Variants in PRKG1 observed in about 807,000 individuals in gnomAD.
PRKG1 encodes the protein cGMP-dependent protein kinase 1.
PRKG1 carries 35 observed loss-of-function variants against 88.1 expected under a neutral mutation model. That is an observed-to-expected ratio of 0.40 (90% CI 0.30 to 0.53). The LOEUF (loss-of-function observed/expected upper bound fraction) is 0.53. Ranked by LOEUF, PRKG1 falls within the 20% of genes least tolerant of loss-of-function variation. PRKG1 has a pLI of 0.59. For synonymous variants in PRKG1, 303 were observed against 292.5 expected, an observed-to-expected ratio of 1.04 and a Z score of -0.37; for missense variants, 540 against 839.8, an observed-to-expected ratio of 0.64 and a Z score of 4.41.
chr10:52,029,432 T>A (rs977009568), intron 5 of PRKG1, among the ~76,000 whole-genome samples: 2 of 152,180 alleles, frequency 1.3e-5, no homozygotes, highest in Non-Finnish European at 2.9e-5. Flanking sequence ...TAGAGAGGAA[T>A]GGAATAGCTT....
intron 3 of PRKG1, among the ~76,000 whole-genome samples, chr10:51,518,622 C>A (rs1841656992): frequency 6.6e-6 from 1 of 152,052 alleles, no homozygotes; most frequent in Non-Finnish European, 1.5e-5. Context: ...TTGCCACATT[C>A]CAGTGGGAGA....
chr10:52,069,859 A>G (rs1006001661), intron 7 of PRKG1, among the ~76,000 whole-genome samples: 2 of 151,864 alleles, frequency 1.3e-5, no homozygotes, highest in Admixed American at 6.6e-5. Context: ...CGGTCAATAT[A>G]TTATTTTTTT....
intron 3 of PRKG1, among the ~76,000 whole-genome samples, chr10:51,493,934 G>A (rs1179507042): frequency 6.6e-6 from 1 of 152,186 alleles, no homozygotes; most frequent in Non-Finnish European, 1.5e-5. Context: ...ATAGATTTCA[G>A]GTTCTTAGGC....
chr10:51,261,206 T>C (rs913292809), intron 2 of PRKG1, among the ~76,000 whole-genome samples: 1 of 152,258 alleles, frequency 6.6e-6, no homozygotes, highest in East Asian at 1.9e-4. Context: ...TTATTTTCAA[T>C]GGGTCATCAG....
chr10:51,835,744 T>C (rs1445540212), intron 4 of PRKG1, among the ~76,000 whole-genome samples: 1 of 152,182 alleles, frequency 6.6e-6, no homozygotes, highest in African/African-American at 2.4e-5. Flanking sequence ...TTCCTTTGGA[T>C]ATATACCCAT....
chr10:51,520,646 A>C (rs961176139), intron 3 of PRKG1, among the ~76,000 whole-genome samples: 1 of 152,176 alleles, frequency 6.6e-6, no homozygotes, highest in African/African-American at 2.4e-5. Flanking sequence ...TAGCTAGAGG[A>C]AACCTGGTAT....
At chr10:51,559,418 T>C (rs1837400590) in intron 3 of PRKG1, among the ~76,000 whole-genome samples, 1 of 152,032 alleles carries the variant, frequency 6.6e-6, no homozygotes, top group African/African-American at 2.4e-5. Flanking sequence ...TATTCATGCA[T>C]AAGTCAAAAG....
At chr10:51,835,147 T>A (rs553577447) in intron 4 of PRKG1, among the ~76,000 whole-genome samples, 5 of 152,262 alleles carry the variant, frequency 3.3e-5, no homozygotes, top group African/African-American at 9.6e-5. Flanking sequence ...GGCTTTGGCT[T>A]ACAGAGACAG....
chr10:51,874,400 T>C (rs1564687550), intron 4 of PRKG1, among the ~76,000 whole-genome samples: 2 of 152,228 alleles, frequency 1.3e-5, no homozygotes, highest in African/African-American at 2.4e-5. Context: ...AGCCGAGAAG[T>C]AGTAGTACAG....
chr10:51,473,759 T>C (rs1744946057), intron 3 of PRKG1, among the ~76,000 whole-genome samples: 1 of 151,724 alleles, frequency 6.6e-6, no homozygotes, highest in Non-Finnish European at 1.5e-5. Context: ...ACACTGATTT[T>C]TTTTTTTTTA....
intron 4 of PRKG1, among the ~76,000 whole-genome samples, chr10:51,838,429 T>C (rs1382777841): frequency 1.3e-5 from 2 of 152,182 alleles, no homozygotes; most frequent in East Asian, 1.9e-4. Context: ...AATCTAAACA[T>C]GAATAATGAA....
At chr10:51,981,840 A>G (rs373141312) in intron 5 of PRKG1, among the ~76,000 whole-genome samples, 2 of 152,038 alleles carry the variant, frequency 1.3e-5, no homozygotes, top group South Asian at 4.1e-4. Context: ...CTGCATTTCC[A>G]GAATTTGAAT....
chr10:51,079,683 G>A (rs1257960040), intron 1 of PRKG1, among the ~76,000 whole-genome samples: 1 of 85,782 alleles, frequency 1.2e-5, no homozygotes, highest in Non-Finnish European at 2.6e-5. Flanking sequence ...GCTCATTTGT[G>A]TGTGTGTGTG....
At chr10:51,429,049 A>G (rs538978529) in intron 2 of PRKG1, among the ~76,000 whole-genome samples, 2 of 152,326 alleles carry the variant, frequency 1.3e-5, no homozygotes, top group Admixed American at 6.5e-5. Flanking sequence ...ACTATGTTCC[A>G]GTGCAGAAAC....
At chr10:52,115,513 T>C (rs58371761) in intron 7 of PRKG1, among the ~76,000 whole-genome samples, 1,659 of 152,244 alleles carry the variant, frequency 0.011, 34 homozygotes, top group African/African-American at 0.037. Flanking sequence ...TCTCACTTTC[T>C]CTGTTGATTA....
chr10:51,057,478 C>T (rs944528452), intron 1 of PRKG1, among the ~76,000 whole-genome samples: 2 of 152,078 alleles, frequency 1.3e-5, no homozygotes, highest in African/African-American at 4.8e-5. Context: ...ATGAGTTATC[C>T]TTACAGCAGT....
chr10:51,261,646 G>A (rs548469066), intron 2 of PRKG1, among the ~76,000 whole-genome samples: 6 of 152,084 alleles, frequency 3.9e-5, no homozygotes, highest in African/African-American at 1.4e-4. Flanking sequence ...TCTTAAGAAC[G>A]CATTCTTTGG....
intron 3 of PRKG1, among the ~76,000 whole-genome samples, chr10:51,733,540 A>G (rs1353925710): frequency 6.6e-6 from 1 of 152,222 alleles, no homozygotes; most frequent in Non-Finnish European, 1.5e-5. Flanking sequence ...TGGAGTTGAA[A>G]AGCAAGTAAG....
intron 1 of PRKG1, among the ~76,000 whole-genome samples, chr10:51,125,507 A>G (rs1845373021): frequency 6.7e-6 from 1 of 150,054 alleles, no homozygotes; most frequent in Admixed American, 6.6e-5. Flanking sequence ...ACATAGTGAA[A>G]CCCTGTCTCT....
Sources: allele counts gnomAD v4.1 joint callset (sites outside exome capture counted in the v4.1 genomes callset), GRCh38; gene constraint gnomAD v4.1.1; transcripts MANE v1.5; gene names NCBI Gene and HGNC (gene_info 2026-07-23, HGNC 2026-07-21).